LIN52: variants seen among roughly 807,000 people sequenced by gnomAD.
LIN52 encodes lin-52 DREAM MuvB core complex component, also known as protein lin-52 homolog.
In LIN52, 4 loss-of-function variants were observed where a neutral mutation model predicts 18.5. That is an observed-to-expected ratio of 0.22 (90% CI 0.11 to 0.49). The LOEUF (loss-of-function observed/expected upper bound fraction) is 0.49. Among genes scored for constraint, LIN52 ranks in the 20% least tolerant of loss-of-function variants. The probability of loss-of-function intolerance (pLI) is 0.97; values close to 1 mark genes in which losing one functional copy is unlikely to be tolerated. For missense variants in LIN52, 102 were observed against 139.5 expected, an observed-to-expected ratio of 0.73 and a Z score of 1.35; for synonymous variants, 34 against 45.5, an observed-to-expected ratio of 0.75 and a Z score of 1.02.
At chr14:74,119,836 C>CTTTTTTTTTTTT (rs555673247) in intron 5 of LIN52, among the ~76,000 whole-genome samples, 1 of 132,346 alleles carries the variant, frequency 7.6e-6, no homozygotes, top group African/African-American at 2.7e-5. Flanking sequence ...CTGGATTATT[C>CTTTTTTTTTTTT]TTTTTTTTTT....
intron 5 of LIN52, among the ~76,000 whole-genome samples, chr14:74,122,417 A>G (rs2061005379): frequency 6.6e-6 from 1 of 152,204 alleles, no homozygotes. Context: ...TGTAATGTTA[A>G]CAGTTGGTGA....
intron 5 of LIN52, among the ~76,000 whole-genome samples, chr14:74,175,748 A>ACC (rs1555384663): frequency 5.1e-5 from 5 of 98,738 alleles, no homozygotes; most frequent in African/African-American, 1.0e-4. Flanking sequence ...ACACACACAC[A>ACC]CACCCCCATT....
At chr14:74,097,648 C>T (rs1359009278) in intron 3 of LIN52, 146 bp from the exon 4 acceptor site, 14 of 548,844 alleles carry the variant, frequency 2.6e-5, no homozygotes, top group African/African-American at 5.9e-5. Flanking sequence ...GTTGGCCAGG[C>T]GGGTCTCGAA....
chr14:74,135,817 G>A (rs2061094240), intron 5 of LIN52, among the ~76,000 whole-genome samples: 1 of 112,626 alleles, frequency 8.9e-6, no homozygotes. Flanking sequence ...TTAGAACAGG[G>A]AGTTTTTTTT....
intron 5 of LIN52, among the ~76,000 whole-genome samples, chr14:74,125,588 T>A (rs936061058): frequency 2.0e-5 from 3 of 152,060 alleles, no homozygotes; most frequent in African/African-American, 7.2e-5. Context: ...CACATTCACA[T>A]GTATGTTTAT....
chr14:74,124,406 C>T (rs2061016281), intron 5 of LIN52, among the ~76,000 whole-genome samples: 1 of 152,100 alleles, frequency 6.6e-6, no homozygotes, highest in Non-Finnish European at 1.5e-5. Flanking sequence ...TTCAGTTTCT[C>T]CCAGAAACAT....
intron 5 of LIN52, among the ~76,000 whole-genome samples, chr14:74,104,723 G>C (rs190786696): frequency 2.7e-5 from 4 of 150,762 alleles, no homozygotes; most frequent in African/African-American, 9.8e-5. Context: ...GAAATAAAAA[G>C]GGATAGGTGA....
chr14:74,180,879 C>T (rs115065389), intron 5 of LIN52, among the ~76,000 whole-genome samples: 2,402 of 151,946 alleles, frequency 0.016, 63 homozygotes, highest in African/African-American at 0.054. Flanking sequence ...GAGGCTGAGG[C>T]GGGAGAATCA....
chr14:74,129,803 A>G (rs2061050226), intron 5 of LIN52, among the ~76,000 whole-genome samples: 1 of 152,162 alleles, frequency 6.6e-6, no homozygotes, highest in South Asian at 2.1e-4. Flanking sequence ...AGCTGTGACC[A>G]TGTCACTTTA....
chr14:74,169,061 A>T (rs1335232366), intron 5 of LIN52, among the ~76,000 whole-genome samples: 1 of 152,232 alleles, frequency 6.6e-6, no homozygotes, highest in East Asian at 1.9e-4. Flanking sequence ...TCTCAAAATA[A>T]AAAAGAATTT....
intron 5 of LIN52, among the ~76,000 whole-genome samples, chr14:74,172,595 A>G (rs1413602620): frequency 6.6e-6 from 1 of 152,212 alleles, no homozygotes; most frequent in Non-Finnish European, 1.5e-5. Flanking sequence ...GTCAGGTGCA[A>G]CTTAGGACTG....
intron 1 of LIN52, among the ~76,000 whole-genome samples, chr14:74,086,948 G>GAA (rs151235071): frequency 3.3e-5 from 5 of 149,738 alleles, no homozygotes; most frequent in African/African-American, 1.2e-4. Context: ...CACCACAGTT[G>GAA]AAAAAAAAAG....
intron 5 of LIN52, among the ~76,000 whole-genome samples, chr14:74,101,460 CTTTTTT>C (rs200423163): frequency 7.2e-6 from 1 of 138,842 alleles, no homozygotes; most frequent in African/African-American, 2.7e-5. Context: ...AATGATTTTT[CTTTTTT>C]TTTTTTTTTT....
At chr14:74,133,339 C>A (rs1029093388) in intron 5 of LIN52, among the ~76,000 whole-genome samples, 1 of 152,154 alleles carries the variant, frequency 6.6e-6, no homozygotes, top group South Asian at 2.1e-4. Flanking sequence ...TTGTTAAAAG[C>A]CTTCTAGAAT....
chr14:74,173,265 G>A (rs1978262), intron 5 of LIN52, among the ~76,000 whole-genome samples: 3 of 151,870 alleles, frequency 2.0e-5, no homozygotes, highest in Non-Finnish European at 2.9e-5. Flanking sequence ...TCAGCTCGCC[G>A]CAACCTCTGC....
intron 5 of LIN52, among the ~76,000 whole-genome samples, chr14:74,190,887 T>C (rs1175327653): frequency 1.3e-5 from 2 of 152,244 alleles, no homozygotes; most frequent in African/African-American, 4.8e-5. Context: ...CCTAATGGGA[T>C]GAAGCTCCAA....
In LIN52 at chr14:74,130,063, C is replaced by G. The variant is rs555877997; in HGVS notation, c.283+28825C>G. On this transcript the variant is annotated intron_variant, in intron 5 of 5. Coordinates refer to ENST00000555028, the MANE Select transcript of LIN52 (RefSeq NM_001024674.3). ...AACCATCAGATCTCATGCAGACCCA[C>G]TTGCTATCAGGAGAACAGTATGGGA... Among the ~76,000 whole-genome samples, 24 of 152,078 alleles carry G rather than the reference C, an allele frequency of 1.6e-4. No individual in the cohort carries two copies. The South Asian group carries it at 5.0e-3, about 32-fold the overall frequency.
chr14:74,129,354 CA>C (rs2061047643), intron 5 of LIN52, among the ~76,000 whole-genome samples: 1 of 152,086 alleles, frequency 6.6e-6, no homozygotes, highest in Non-Finnish European at 1.5e-5. Flanking sequence ...GCAGGTGAAT[CA>C]AATATAAGTA....
At position 74,126,050 on chromosome 14, in the gene LIN52, AGAAAT is replaced by A. The variant is rs749739068; in HGVS notation, c.283+24815_283+24819del. ...ACTTAAAGTATTAAAAAAAAAAAAA[AGAAAT>A]GAGCAAAGGACTTGACTAGACATTG... On this transcript the variant is annotated intron_variant, in intron 5 of 5. Coordinates refer to ENST00000555028, the MANE Select transcript of LIN52 (RefSeq NM_001024674.3). Among the ~76,000 whole-genome samples the A allele has an allele frequency of 1.0e-3, 155 of 151,456 alleles. No individual in the cohort carries two copies. In the East Asian group the frequency reaches 0.019, roughly 18 times the overall value.
Sources: gnomAD v4.1 joint callset for allele counts (sites outside exome capture counted in the v4.1 genomes callset) on GRCh38, gnomAD v4.1.1 for gene constraint, MANE v1.5 for transcripts, NCBI Gene and HGNC (gene_info 2026-07-23, HGNC 2026-07-21) for gene names.